PTPRC: variants seen among roughly 807,000 people sequenced by gnomAD.
PTPRC encodes protein tyrosine phosphatase receptor type C, also known as receptor-type tyrosine-protein phosphatase C.
Under a neutral mutation model 155.9 loss-of-function variants are expected in PTPRC, and 44 were observed. That is an observed-to-expected ratio of 0.28 (90% CI 0.22 to 0.36). The LOEUF (loss-of-function observed/expected upper bound fraction) is 0.36, where lower values mean the gene tolerates loss of function less well. Among genes scored for constraint, PTPRC ranks in the 10% least tolerant of loss-of-function variants. The probability of loss-of-function intolerance (pLI) is 1.00; values close to 1 mark genes in which losing one functional copy is unlikely to be tolerated. For missense variants in PTPRC, 1,401 were observed against 1,564.6 expected, an observed-to-expected ratio of 0.90 and a Z score of 1.76; for synonymous variants, 525 against 533.1, an observed-to-expected ratio of 0.98 and a Z score of 0.21.
intron 2 of PTPRC, among the ~76,000 whole-genome samples, chr1:198,646,539 A>T (rs1424389380): frequency 1.3e-5 from 2 of 151,812 alleles, no homozygotes; most frequent in African/African-American, 4.8e-5. Context: ...CATTTTTGTC[A>T]AACTTAAATC....
chr1:198,641,964 T>C (rs1662609738), intron 2 of PTPRC, among the ~76,000 whole-genome samples: 1 of 152,016 alleles, frequency 6.6e-6, no homozygotes, highest in Admixed American at 6.6e-5. Context: ...TGGTAAGCAG[T>C]CCTATTAAGT....
At chr1:198,729,026 C>A in intron 16 of PTPRC, 111 bp from the exon 17 acceptor site, 2 of 1,223,512 alleles carry the variant, frequency 1.6e-6, no homozygotes, top group African/African-American at 1.6e-5. Context: ...CTTTTCTTAT[C>A]CCTGACTTCC....
intron 2 of PTPRC, among the ~76,000 whole-genome samples, chr1:198,676,751 G>A (rs939601569): frequency 2.6e-5 from 4 of 152,142 alleles, no homozygotes; most frequent in Admixed American, 2.6e-4. Context: ...AAAGGAATAC[G>A]ATAAAGTGCA....
intron 26 of PTPRC, among the ~76,000 whole-genome samples, chr1:198,746,157 G>T (rs1160697725): frequency 1.3e-5 from 2 of 151,772 alleles, no homozygotes; most frequent in East Asian, 1.9e-4. Context: ...GGAAAGAAGA[G>T]AATATACTTA....
intron 2 of PTPRC, among the ~76,000 whole-genome samples, chr1:198,655,154 A>G (rs111448511): frequency 2.6e-5 from 4 of 152,004 alleles, no homozygotes; most frequent in African/African-American, 9.6e-5. Flanking sequence ...AGAGACAAGT[A>G]TTGTTCAAGT....
intron 3 of PTPRC, chr1:198,694,709 C>T: frequency 3.1e-6 from 3 of 964,870 alleles, no homozygotes; most frequent in Non-Finnish European, 3.7e-6. Flanking sequence ...TCTAAACTCT[C>T]TCCTTCCTTC....
Position 198,716,677 on chromosome 1 carries a change from C to T in PTPRC, c.1292-5C>T, listed in dbSNP as rs546984551. 4 of 1,610,616 alleles carry T rather than the reference C, an allele frequency of 2.5e-6. No homozygotes were observed. The highest frequency in any genetic ancestry group is 3.4e-6 in the Non-Finnish European group (4 of 1,179,010). On this transcript the variant is annotated splice_polypyrimidine_tract_variant and splice_region_variant and intron_variant, in intron 12 of 32. Transcript: ENST00000442510. Reference sequence around the variant, plus strand: ...TTACTAATTTTTTTTCACATTTTTCCTCAGAAAAAGATTGCCTCAATCTGG... The same window carrying T: ...TTACTAATTTTTTTTCACATTTTTCTTCAGAAAAAGATTGCCTCAATCTGG...
chr1:198,701,263 A>G (rs1002815472), intron 5 of PTPRC, among the ~76,000 whole-genome samples: 3 of 152,170 alleles, frequency 2.0e-5, no homozygotes, highest in Admixed American at 6.5e-5. Context: ...AATGGAATGT[A>G]TGTGTGAAAT....
At chr1:198,721,329 G>A (rs1290063400) in intron 14 of PTPRC, among the ~76,000 whole-genome samples, 1 of 151,652 alleles carries the variant, frequency 6.6e-6, no homozygotes, top group Non-Finnish European at 1.5e-5. Flanking sequence ...GGTGGCTTTC[G>A]GATTAAAAGT....
At chr1:198,678,694 G>A (rs773563355) in intron 2 of PTPRC, among the ~76,000 whole-genome samples, 6 of 152,040 alleles carry the variant, frequency 3.9e-5, no homozygotes, top group East Asian at 1.9e-4. Flanking sequence ...AACACGCTGC[G>A]TACAATTCTG....
chr1:198,712,469 A>G (rs999908492), intron 11 of PTPRC, among the ~76,000 whole-genome samples: 4 of 152,186 alleles, frequency 2.6e-5, no homozygotes, highest in Admixed American at 6.5e-5. Context: ...CTGTATCTCA[A>G]ATGGGTACAT....
chr1:198,742,506 G>A (rs557250195), intron 25 of PTPRC, 139 bp downstream of exon 25: 31 of 1,092,996 alleles, frequency 2.8e-5, no homozygotes, highest in South Asian at 2.5e-4. Context: ...AAACTAAAAC[G>A]TGGTAATCAC....
intron 2 of PTPRC, among the ~76,000 whole-genome samples, chr1:198,659,648 C>T (rs1198253761): frequency 6.6e-6 from 1 of 151,616 alleles, no homozygotes; most frequent in African/African-American, 2.4e-5. Flanking sequence ...AATTCTCCTG[C>T]CTCGGACTTC....
In PTPRC at chr1:198,718,089, G is replaced by T. The variant is rs1653683393; in HGVS notation, c.1451-5G>T. 1 of 1,603,098 alleles carries T rather than the reference G, an allele frequency of 6.2e-7. No individual in the cohort carries two copies. Among genetic ancestry groups the T allele is most frequent in the African/African-American group, 1.3e-5 (1 of 74,560 alleles). ...TTAATAACAAATCTTTCTTCATTTTGATAGCTCCAAGCCAGGTCTGGAACA... is the reference window on the plus strand; with the variant it reads ...TTAATAACAAATCTTTCTTCATTTTTATAGCTCCAAGCCAGGTCTGGAACA... On this transcript the variant is annotated splice_region_variant and splice_polypyrimidine_tract_variant and intron_variant, in intron 13 of 32. Transcript: ENST00000442510.
chr1:198,713,042 A>T lies in PTPRC; in HGVS notation c.1261A>T (p.Asn421Tyr). Residue 421 changes from asparagine to tyrosine, a missense_variant, in exon 12 of 33, where the codon AAT (asparagine) becomes TAT (tyrosine). This residue lies in a region of PTPRC where 867 missense variants were observed against 970.4 expected (regional missense o/e 0.89). Coordinates refer to ENST00000442510, the MANE Select transcript of PTPRC (RefSeq NM_002838.5). ...TWNPPQRSFH[N>Y]FTLCYIKETE... ...GAATCCCCCTCAAAGATCATTTCAT[A>T]ATTTTACCCTCTGTTATATAAAAGA... 1 of 1,613,852 alleles carries T rather than the reference A, an allele frequency of 6.2e-7. No individual in the cohort carries two copies. The highest frequency in any genetic ancestry group is 1.1e-5 in the South Asian group (1 of 91,078).
intron 24 of PTPRC, 68 bp from the exon 25 acceptor site, chr1:198,742,164 T>C: frequency 6.2e-7 from 1 of 1,607,972 alleles, no homozygotes; most frequent in Non-Finnish European, 8.5e-7. Context: ...CTTAGATTCT[T>C]ATATTGGCTT....
chr1:198,642,642 C>T (rs1324256773), intron 2 of PTPRC, among the ~76,000 whole-genome samples: 2 of 151,914 alleles, frequency 1.3e-5, no homozygotes, highest in East Asian at 3.9e-4. Flanking sequence ...GCTTTGACAC[C>T]TCCATTGCCA....
At chr1:198,742,930 GGTGATT>G (rs1457737533) in intron 25 of PTPRC, among the ~76,000 whole-genome samples, 2 of 151,606 alleles carry the variant, frequency 1.3e-5, no homozygotes, top group African/African-American at 4.8e-5. Flanking sequence ...CTATGCATTT[GGTGATT>G]GTAAGTGATG....
At chr1:198,660,030 CATAT>C (rs34796231) in intron 2 of PTPRC, among the ~76,000 whole-genome samples, 19,435 of 113,284 alleles carry the variant, frequency 0.17, 2,259 homozygotes, top group Non-Finnish European at 0.26. Flanking sequence ...TATATATGTC[CATAT>C]ATATATATAT....
Sources: allele counts gnomAD v4.1 joint callset (sites outside exome capture counted in the v4.1 genomes callset), GRCh38; gene constraint gnomAD v4.1.1; regional missense constraint gnomAD v4.1.1; transcripts MANE v1.5; gene names NCBI Gene and HGNC (gene_info 2026-07-23, HGNC 2026-07-21).